Variants in WDR59 observed in about 807,000 individuals in gnomAD.
WDR59 encodes the protein WD repeat domain 59, also known as GATOR2 complex protein WDR59.
In WDR59, 100 loss-of-function variants were observed where a neutral mutation model predicts 131.2. The observed-to-expected ratio is 0.76, with a 90% CI of 0.65 to 0.90. WDR59 has a LOEUF of 0.90. Ranked by LOEUF, WDR59 falls within the 40% of genes least tolerant of loss-of-function variation. The pLI, the probability that WDR59 is intolerant of heterozygous loss-of-function variation, is 0.00. For missense variants in WDR59, 1,203 were observed against 1,262.2 expected (o/e 0.95, Z 0.71); for synonymous variants, 601 against 466.2 (o/e 1.29, Z -3.72).
chr16:74,940,453 TAATC>T (rs1334608617), intron 7 of WDR59, among the ~76,000 whole-genome samples: 1 of 151,854 alleles, frequency 6.6e-6, no homozygotes, highest in African/African-American at 2.4e-5. Flanking sequence ...AAAGAGATAT[TAATC>T]AATAAATGTA....
At position 74,975,664 on chromosome 16, in the gene WDR59, C is replaced by CA. The variant is rs529100248; in HGVS notation, c.54+9299dup. ...GGGCAACAAGAGTGAAACTCCGTCT[C>CA]AAAAAAAAAAAAAGTAAAAAAAAGA... On this transcript the variant is annotated intron_variant, in intron 1 of 25. Transcript: ENST00000262144. 1.1e-3 allele frequency among the ~76,000 whole-genome samples: 102 copies of CA among 94,352 alleles called. 2 individuals carry two copies. The highest frequency in any genetic ancestry group is 6.9e-3 in the Middle Eastern group (1 of 144). The allele number at this position is 94,352 out of a possible 152,430, so 61.9% of individuals were successfully genotyped here. A position where few individuals can be genotyped will look rare whatever the true frequency, so the allele number is the denominator to read the frequency against.
intron 8 of WDR59, among the ~76,000 whole-genome samples, chr16:74,930,089 A>T (rs371538376): frequency 1.3e-4 from 20 of 152,294 alleles, no homozygotes; most frequent in African/African-American, 4.8e-4. Flanking sequence ...AATGGGTAGA[A>T]AAATATAGTT....
chr16:74,914,238 T>C (rs115450284), intron 13 of WDR59, among the ~76,000 whole-genome samples: 209 of 152,150 alleles, frequency 1.4e-3, no homozygotes, highest in African/African-American at 4.9e-3. Flanking sequence ...ATGAACTTTA[T>C]ACTGTGTGAA....
At chr16:74,965,299 AG>A (rs1356101995) in intron 2 of WDR59, among the ~76,000 whole-genome samples, 1 of 102,244 alleles carries the variant, frequency 9.8e-6, no homozygotes, top group Non-Finnish European at 1.8e-5. Flanking sequence ...AAGATGCTAC[AG>A]AAACTTGTCA....
chr16:74,949,806 A>G lies in WDR59; in HGVS notation c.327-8T>C, dbSNP rs561810713. 6.2e-7 allele frequency: 1 copy of G among 1,613,642 alleles called. No homozygotes were observed. The highest frequency in any genetic ancestry group is 1.1e-5 in the South Asian group (1 of 91,054). On this transcript the variant is annotated splice_polypyrimidine_tract_variant and splice_region_variant and intron_variant, in intron 4 of 25. Coordinates refer to ENST00000262144, the MANE Select transcript of WDR59 (RefSeq NM_030581.4). ...ACCGCCCAGTCCAAGTCGCTGGGAC[A>G]CAAAGAATAAACAGAACAAAGAAAA...
chr16:74,885,937 G>A, intron 24 of WDR59, 142 bp from the exon 25 acceptor site: 2 of 1,032,720 alleles, frequency 1.9e-6, no homozygotes, highest in Middle Eastern at 3.1e-4. Context: ...AGCACTTTGG[G>A]AGGCTGAGGC....
At chr16:74,950,756 C>G (rs1298242859) in intron 4 of WDR59, among the ~76,000 whole-genome samples, 14 of 152,116 alleles carry the variant, frequency 9.2e-5, no homozygotes, top group Non-Finnish European at 2.1e-4. Context: ...CCGCTGCTGC[C>G]GGAGAGAAAG....
intron 22 of WDR59, 23 bp from the exon 23 acceptor site, chr16:74,887,778 C>A: frequency 1.2e-6 from 2 of 1,605,130 alleles, no homozygotes; most frequent in Middle Eastern, 1.7e-4. Context: ...AGAGAAGAAC[C>A]AACAGGACTA....
At chr16:74,945,329 T>C (rs12447192) in intron 6 of WDR59, among the ~76,000 whole-genome samples, 66,888 of 150,812 alleles carry the variant, frequency 0.44, 17,963 homozygotes, top group Middle Eastern at 0.68. Context: ...ACAAAAAAAT[T>C]AGCCGGGCAT....
chr16:74,906,820 G>A (rs926777116), intron 17 of WDR59, among the ~76,000 whole-genome samples: 6 of 152,166 alleles, frequency 3.9e-5, no homozygotes, highest in African/African-American at 1.2e-4. Flanking sequence ...TCAAGAGAGT[G>A]GTGTCCTCTG....
At chr16:74,896,848 T>C (rs1420694561) in intron 18 of WDR59, among the ~76,000 whole-genome samples, 1 of 152,144 alleles carries the variant, frequency 6.6e-6, no homozygotes. Flanking sequence ...TGTGCTAGTA[T>C]AAGCCTCACT....
At chr16:74,959,023 C>T (rs2033442273) in intron 2 of WDR59, among the ~76,000 whole-genome samples, 1 of 152,158 alleles carries the variant, frequency 6.6e-6, no homozygotes, top group African/African-American at 2.4e-5. Context: ...CGCACCATTG[C>T]ACTCCAGCCC....
intron 7 of WDR59, 22 bp downstream of exon 7, chr16:74,942,716 G>A (rs2032327867): frequency 6.2e-7 from 1 of 1,611,634 alleles, no homozygotes; most frequent in Non-Finnish European, 8.5e-7. Flanking sequence ...GACCAATAAG[G>A]GCGAAAAAAG....
chr16:74,967,031 T>C (rs1013389205), intron 1 of WDR59, among the ~76,000 whole-genome samples: 1 of 152,162 alleles, frequency 6.6e-6, no homozygotes, highest in African/African-American at 2.4e-5. Flanking sequence ...TGCTCTAAGT[T>C]CTCTCCAAGA....
In WDR59 at chr16:74,946,034, G is replaced by T. The variant is rs1000250991; in HGVS notation, c.445+2485C>A. ...GTTTCTCCATGTTGAGGCTGGTCTC[G>T]AACTCCTGACCTCAGGTGATCCGCC... On this transcript the variant is annotated intron_variant, in intron 6 of 25. Transcript: ENST00000262144. Among the ~76,000 whole-genome samples the T allele has an allele frequency of 2.0e-5, 3 of 151,698 alleles. No individual in the cohort carries two copies. In the East Asian group the frequency reaches 5.8e-4, roughly 30 times the overall value.
intron 25 of WDR59, among the ~76,000 whole-genome samples, chr16:74,877,587 C>G (rs1964277357): frequency 1.3e-5 from 2 of 152,178 alleles, no homozygotes; most frequent in African/African-American, 4.8e-5. Flanking sequence ...TCTTGTCACC[C>G]AGGCTGGAGT....
intron 25 of WDR59, among the ~76,000 whole-genome samples, chr16:74,880,852 G>C (rs1165879295): frequency 6.6e-6 from 1 of 152,206 alleles, no homozygotes; most frequent in East Asian, 1.9e-4. Context: ...TACAGCTCCA[G>C]TTTGTTAACC....
intron 19 of WDR59, 63 bp from the exon 20 acceptor site, chr16:74,892,628 C>T: frequency 7.6e-7 from 1 of 1,320,044 alleles, no homozygotes; most frequent in Non-Finnish European, 1.1e-6. Context: ...TCAACGACTC[C>T]CAGTTTAACA....
rs1964046885 is a variant in WDR59 at position 74,873,235 on chromosome 16, G to A, written c.*974C>T. On this transcript the variant is annotated 3_prime_UTR_variant, in exon 26 of 26. Transcript: ENST00000262144. ...TATTTTTTAAATTTTTTGCAGAGAT[G>A]GGATCTCCTTATGTTGCCCAGGCTG... The A allele has an allele frequency of 6.6e-6, 1 of 152,060 alleles. No individual in the cohort carries two copies. Among genetic ancestry groups the A allele is most frequent in the Non-Finnish European group, 1.5e-5 (1 of 68,054 alleles). The allele number at this position is 152,060 out of a possible 1,614,324, so 9.4% of individuals were successfully genotyped here.
Sources: gnomAD v4.1 joint callset for allele counts (sites outside exome capture counted in the v4.1 genomes callset) on GRCh38, gnomAD v4.1.1 for gene constraint, MANE v1.5 for transcripts, NCBI Gene and HGNC (gene_info 2026-07-23, HGNC 2026-07-21) for gene names.